Variants in SLC35F2 observed in about 807,000 individuals in gnomAD.
SLC35F2 encodes solute carrier family 35 member F2.
SLC35F2 carries 25 observed loss-of-function variants against 38.1 expected under a neutral mutation model. The observed-to-expected ratio is 0.66, with a 90% CI of 0.48 to 0.92. SLC35F2 has a LOEUF of 0.92. Ranked by LOEUF, SLC35F2 falls within the 40% of genes least tolerant of loss-of-function variation. The pLI is 0.00. For missense variants in SLC35F2, 409 were observed against 452.9 expected (o/e 0.90, Z 0.88); for synonymous variants, 173 against 181.7 (o/e 0.95, Z 0.38).
chr11:107,851,619 T>C (rs1486191734), intron 1 of SLC35F2, among the ~76,000 whole-genome samples: 2 of 151,874 alleles, frequency 1.3e-5, no homozygotes, highest in Non-Finnish European at 2.9e-5. Flanking sequence ...ACAATGCCTA[T>C]TGGAATTAAG....
At chr11:107,851,669 C>A (rs1028291156) in intron 1 of SLC35F2, among the ~76,000 whole-genome samples, 2 of 151,790 alleles carry the variant, frequency 1.3e-5, no homozygotes, top group Admixed American at 6.6e-5. Context: ...TTTTGTGAAT[C>A]TATTGCAAGG....
Position 107,815,394 on chromosome 11 carries a change from A to T in SLC35F2, c.286+396T>A, listed in dbSNP as rs74416116. Among the ~76,000 whole-genome samples the T allele has an allele frequency of 7.9e-3, 1,023 of 129,014 alleles. 6 individuals carry two copies. Among genetic ancestry groups the T allele is most frequent in the African/African-American group, 0.042 (954 of 22,548 alleles). The allele number at this position is 129,014 out of a possible 152,430, so 84.6% of individuals were successfully genotyped here. On this transcript the variant is annotated intron_variant, in intron 2 of 7. Transcript: ENST00000525815. ...GCAAAAACCCATCTCTAAAATAAAA[A>T]AAAAAAAAAAAAATTAGCCAGGCAT...
At chr11:107,804,285 AT>A (rs1859361832) in intron 6 of SLC35F2, among the ~76,000 whole-genome samples, 2 of 151,862 alleles carry the variant, frequency 1.3e-5, no homozygotes, top group Admixed American at 6.6e-5. Context: ...CTTTTCCTTT[AT>A]TTATTTATGC....
chr11:107,842,977 A>C (rs974189824), intron 1 of SLC35F2, among the ~76,000 whole-genome samples: 1 of 152,198 alleles, frequency 6.6e-6, no homozygotes, highest in Non-Finnish European at 1.5e-5. Context: ...ACAAAGAGTC[A>C]AAGTGAGTGT....
At chr11:107,849,405 G>A (rs750539377) in intron 1 of SLC35F2, among the ~76,000 whole-genome samples, 4 of 152,048 alleles carry the variant, frequency 2.6e-5, no homozygotes, top group Non-Finnish European at 5.9e-5. Flanking sequence ...TTGGGAGGCC[G>A]AGGTGGGCAG....
intron 1 of SLC35F2, among the ~76,000 whole-genome samples, chr11:107,822,965 T>C (rs577335578): frequency 6.6e-6 from 1 of 152,216 alleles, no homozygotes; most frequent in South Asian, 2.1e-4. Flanking sequence ...GACACAATGA[T>C]GGGATGCATT....
At chr11:107,809,564 G>A (rs906679021) in intron 3 of SLC35F2, 48 of 410,114 alleles carry the variant, frequency 1.2e-4, no homozygotes, top group African/African-American at 7.6e-4. Flanking sequence ...CCTGGGAGGC[G>A]GAGGCTGCAG....
intron 7 of SLC35F2, 36 bp from the exon 8 acceptor site, chr11:107,792,836 C>G: frequency 6.7e-7 from 1 of 1,500,602 alleles, no homozygotes; most frequent in East Asian, 2.5e-5. Context: ...TTGTGCCCCT[C>G]ACATACACAT....
chr11:107,796,714 G>A (rs1349779407), intron 7 of SLC35F2, among the ~76,000 whole-genome samples: 3 of 152,184 alleles, frequency 2.0e-5, no homozygotes, highest in African/African-American at 7.2e-5. Context: ...TGTCACCCAG[G>A]CTGGAGTGCA....
intron 1 of SLC35F2, 87 bp downstream of exon 1, chr11:107,858,571 A>C: frequency 5.1e-6 from 6 of 1,172,792 alleles, no homozygotes; most frequent in Non-Finnish European, 6.5e-6. Context: ...TGGGGGCCTC[A>C]GAGAGTGTGC....
At chr11:107,829,926 T>C (rs1032638902) in intron 1 of SLC35F2, among the ~76,000 whole-genome samples, 5 of 152,144 alleles carry the variant, frequency 3.3e-5, no homozygotes, top group Non-Finnish European at 5.9e-5. Flanking sequence ...ATGGCTACTA[T>C]AGCTAAAATT....
At chr11:107,842,154 A>T (rs1257016527) in intron 1 of SLC35F2, among the ~76,000 whole-genome samples, 3 of 148,936 alleles carry the variant, frequency 2.0e-5, no homozygotes, top group Non-Finnish European at 4.5e-5. Flanking sequence ...AACCCCAGCT[A>T]CTCAGGAGGC....
At chr11:107,808,473 A>G (rs1045597368) in intron 3 of SLC35F2, among the ~76,000 whole-genome samples, 2 of 152,224 alleles carry the variant, frequency 1.3e-5, no homozygotes, top group Admixed American at 1.3e-4. Flanking sequence ...AGGAAGAAAT[A>G]TATTCCTTAT....
At chr11:107,817,842 A>G (rs117883102) in intron 1 of SLC35F2, among the ~76,000 whole-genome samples, 8,384 of 150,676 alleles carry the variant, frequency 0.056, 466 homozygotes, top group African/African-American at 0.14. Flanking sequence ...GGCGGATCAC[A>G]AAGTCAGGAG....
chr11:107,826,698 T>G lies in SLC35F2; in HGVS notation c.111-10733A>C, dbSNP rs962820117. On this transcript the variant is annotated intron_variant, in intron 1 of 7. Transcript: ENST00000525815. The stretch of plus-strand genomic sequence containing the variant: ...AATTATGTAAAACAAAAATTAAATT[T>G]AAAAAAGCCACATCTAAAATAAAAT... Among the ~76,000 whole-genome samples, 4 of 152,170 alleles carry G rather than the reference T, an allele frequency of 2.6e-5. No homozygotes were observed. The South Asian group carries it at 8.3e-4, about 32-fold the overall frequency.
At chr11:107,817,258 AG>A (rs1859588839) in intron 1 of SLC35F2, among the ~76,000 whole-genome samples, 1 of 152,046 alleles carries the variant, frequency 6.6e-6, no homozygotes, top group South Asian at 2.1e-4. Flanking sequence ...CCTGGGTGAC[AG>A]AATGAGACGA....
rs777247667 is a variant in SLC35F2, at chr11:107,806,802, G to A, written c.489C>T (p.Ile163=). 2 of 1,614,048 alleles carry A rather than the reference G, an allele frequency of 1.2e-6. No individual in the cohort carries two copies. Among genetic ancestry groups the A allele is most frequent in the Non-Finnish European group, 1.7e-6 (2 of 1,179,946 alleles). Residue 163 remains isoleucine (I), a synonymous_variant, in exon 4 of 8, where the codon ATC becomes ATT. Transcript: ENST00000525815. ...WFILHARYRV[I]HFIAVAVCLL... is the part of the protein sequence containing the mutation. ...GACAGACAGCCACGGCGATGAAGTG[G>A]ATCACTCTGTATCTTGCATGAAGAA... is the stretch of plus-strand genomic sequence containing the variant.
At chr11:107,817,984 G>A (rs1859602938) in intron 1 of SLC35F2, among the ~76,000 whole-genome samples, 1 of 150,650 alleles carries the variant, frequency 6.6e-6, no homozygotes, top group Non-Finnish European at 1.5e-5. Context: ...TTGAACCCGG[G>A]AGGCGGAGTT....
intron 1 of SLC35F2, among the ~76,000 whole-genome samples, chr11:107,816,447 A>ATTTTTT (rs5794572): frequency 8.5e-6 from 1 of 118,302 alleles, no homozygotes; most frequent in Admixed American, 9.1e-5. Context: ...TGCCCAGCTA[A>ATTTTTT]TTTTTTTTTT....
Sources: gnomAD v4.1 joint callset for allele counts (sites outside exome capture counted in the v4.1 genomes callset) on GRCh38, gnomAD v4.1.1 for gene constraint, MANE v1.5 for transcripts, NCBI Gene and HGNC (gene_info 2026-07-23, HGNC 2026-07-21) for gene names.